The following MECOM variants were observed in gnomAD, a reference collection of about 807,000 sequenced individuals.
MECOM encodes histone-lysine N-methyltransferase MECOM.
MECOM carries 13 observed loss-of-function variants against 116.3 expected under a neutral mutation model. The ratio of observed to expected loss-of-function variants is 0.11; its 90% CI spans 0.07 to 0.18. MECOM has a LOEUF of 0.18. MECOM is among the 10% of genes least tolerant of loss of function. The pLI, the probability that MECOM is intolerant of heterozygous loss-of-function variation, is 1.00. For synonymous variants in MECOM, 528 were observed against 535.2 expected (o/e 0.99, Z 0.19); for missense variants, 1,299 against 1,509.0 (o/e 0.86, Z 2.31).
At chr3:169,567,151 T>C (rs900906248) in intron 1 of MECOM, among the ~76,000 whole-genome samples, 103 of 152,252 alleles carry the variant, frequency 6.8e-4, no homozygotes, top group Non-Finnish European at 5.6e-4. Flanking sequence ...CAGCCATGTC[T>C]GGGCCTAGGC....
chr3:169,205,982 T>C (rs1749869849), intron 2 of MECOM, among the ~76,000 whole-genome samples: 1 of 152,188 alleles, frequency 6.6e-6, no homozygotes. Context: ...CATCTTCCCT[T>C]AGAAACAACT....
intron 1 of MECOM, among the ~76,000 whole-genome samples, chr3:169,454,045 CA>C (rs1746051004): frequency 6.6e-6 from 1 of 152,156 alleles, no homozygotes; most frequent in Admixed American, 6.5e-5. Flanking sequence ...CACCCTCCTC[CA>C]TCACCCATTT....
Position 169,593,312 on chromosome 3 carries a change from C to T in MECOM, c.37+70024G>A, listed in dbSNP as rs535387364. On this transcript the variant is annotated intron_variant, in intron 1 of 16. Transcript: ENST00000651503. The stretch of plus-strand genomic sequence containing the variant: ...AGGGAAATTAATTTTTTCAAGACTA[C>T]ACTTGGTAGAAAGCAAGGTATGAGA... 8.5e-5 allele frequency among the ~76,000 whole-genome samples: 13 copies of T among 152,264 alleles called. No homozygotes were observed. The South Asian group carries it at 2.7e-3, about 32-fold the overall frequency.
At chr3:169,147,426 G>C (rs1234138167) in intron 2 of MECOM, 12 of 985,326 alleles carry the variant, frequency 1.2e-5, no homozygotes, top group Non-Finnish European at 1.4e-5. Context: ...GAAAGAACCC[G>C]GGGCGAGGGA....
chr3:169,194,082 T>C (rs9870725), intron 2 of MECOM, among the ~76,000 whole-genome samples: 137,653 of 152,076 alleles, frequency 0.91, 62,399 homozygotes, highest in East Asian at 1. Context: ...TTTTCAAAGA[T>C]AGTGAGAATG....
In MECOM at chr3:169,468,368, C is replaced by A. The variant is rs1003857220; in HGVS notation, c.38-86844G>T. On this transcript the variant is annotated intron_variant, in intron 1 of 16. Coordinates refer to ENST00000651503, the MANE Select transcript of MECOM (RefSeq NM_004991.4). ...GTTCTCTCTTTTATGTGTACAAACACGTACTTAATTCTTCACAGCACTAAT... is the reference window on the plus strand; with the variant it reads ...GTTCTCTCTTTTATGTGTACAAACAAGTACTTAATTCTTCACAGCACTAAT... 2.0e-5 allele frequency among the ~76,000 whole-genome samples: 3 copies of A among 152,126 alleles called. No individual in the cohort carries two copies. In the East Asian group the frequency reaches 5.8e-4, roughly 29 times the overall value.
chr3:169,275,751 T>C (rs73172048), intron 2 of MECOM, among the ~76,000 whole-genome samples: 65 of 152,302 alleles, frequency 4.3e-4, no homozygotes, highest in Non-Finnish European at 7.4e-4. Flanking sequence ...ATTAAATGGG[T>C]TGGCAATGCT....
chr3:169,465,990 T>C (rs1748242016), intron 1 of MECOM, among the ~76,000 whole-genome samples: 1 of 152,188 alleles, frequency 6.6e-6, no homozygotes, highest in African/African-American at 2.4e-5. Flanking sequence ...GGTGTAAAAA[T>C]CACATGTCCT....
At chr3:169,506,327 G>T (rs1255493089) in intron 1 of MECOM, among the ~76,000 whole-genome samples, 3 of 152,166 alleles carry the variant, frequency 2.0e-5, no homozygotes, top group Non-Finnish European at 4.4e-5. Flanking sequence ...CTTCCAATGT[G>T]AGTGTCCCCG....
At chr3:169,288,692 G>A (rs1300158836) in intron 2 of MECOM, among the ~76,000 whole-genome samples, 2 of 151,982 alleles carry the variant, frequency 1.3e-5, no homozygotes, top group African/African-American at 4.8e-5. Flanking sequence ...GTGTGCGTCT[G>A]TGTGTGTGTG....
chr3:169,308,833 T>C (rs1718199641), intron 2 of MECOM, among the ~76,000 whole-genome samples: 1 of 152,204 alleles, frequency 6.6e-6, no homozygotes. Flanking sequence ...TCTCTCCCCA[T>C]AAAAGACACG....
chr3:169,327,765 A>G (rs552436463), intron 2 of MECOM, among the ~76,000 whole-genome samples: 2 of 152,306 alleles, frequency 1.3e-5, no homozygotes, highest in South Asian at 4.1e-4. Flanking sequence ...CATTACATAC[A>G]CACTCTATCA....
At chr3:169,377,569 A>T (rs1481673355) in intron 2 of MECOM, among the ~76,000 whole-genome samples, 2 of 152,226 alleles carry the variant, frequency 1.3e-5, no homozygotes, top group Non-Finnish European at 2.9e-5. Flanking sequence ...ACATATGCAA[A>T]AAAGCTCATA....
chr3:169,645,294 G>T (rs1183400405), intron 1 of MECOM, among the ~76,000 whole-genome samples: 1 of 112,908 alleles, frequency 8.9e-6, no homozygotes, highest in Non-Finnish European at 1.7e-5. Flanking sequence ...TGAGTAGACA[G>T]ATGTATTTTT....
intron 2 of MECOM, among the ~76,000 whole-genome samples, chr3:169,197,501 T>C (rs1748588336): frequency 6.6e-6 from 1 of 152,014 alleles, no homozygotes; most frequent in Non-Finnish European, 1.5e-5. Context: ...ATCTTAGCCA[T>C]ATTTATGTGT....
intron 1 of MECOM, among the ~76,000 whole-genome samples, chr3:169,630,414 A>C (rs1230466555): frequency 1.3e-5 from 2 of 149,954 alleles, no homozygotes; most frequent in Non-Finnish European, 3.0e-5. Flanking sequence ...GGGGAGAAAG[A>C]GCTACTATTC....
chr3:169,138,646 C>G (rs1170771996), intron 3 of MECOM, among the ~76,000 whole-genome samples: 1 of 152,076 alleles, frequency 6.6e-6, no homozygotes, highest in South Asian at 2.1e-4. Flanking sequence ...CCAATAATAA[C>G]TTTAACATCA....
chr3:169,435,321 T>G (rs1346738172), intron 1 of MECOM, among the ~76,000 whole-genome samples: 1 of 152,190 alleles, frequency 6.6e-6, no homozygotes, highest in Non-Finnish European at 1.5e-5. Context: ...CCTGAATGAT[T>G]TTCACCTCTG....
rs1717071660 is a variant in MECOM, at chr3:169,084,612, TGG to T, written c.*295_*296del. The stretch of plus-strand genomic sequence containing the variant: ...ACCCATACCCTAAGGTGGGGTAAAC[TGG>T]AAGATGCCTTCAGCCCACCAAGTTT... On this transcript the variant is annotated 3_prime_UTR_variant, in exon 17 of 17. Coordinates refer to ENST00000651503, the MANE Select transcript of MECOM (RefSeq NM_004991.4). 3.0e-6 allele frequency: 1 copy of T among 330,716 alleles called. No homozygotes were observed. Among genetic ancestry groups the T allele is most frequent in the Non-Finnish European group, 5.6e-6 (1 of 179,068 alleles). The allele number at this position is 330,716 out of a possible 1,614,324, so 20.5% of individuals were successfully genotyped here. A position where few individuals can be genotyped will look rare whatever the true frequency, so the allele number is the denominator to read the frequency against.
Sources: allele counts gnomAD v4.1 joint callset (sites outside exome capture counted in the v4.1 genomes callset), GRCh38; gene constraint gnomAD v4.1.1; transcripts MANE v1.5; gene names NCBI Gene and HGNC (gene_info 2026-07-23, HGNC 2026-07-21).